RALA: variants seen among roughly 807,000 people sequenced by gnomAD.
The protein encoded by RALA is RAS like proto-oncogene A, also known as ras-related protein Ral-A.
A neutral mutation model predicts 24.0 loss-of-function variants in RALA; 5 were observed. The ratio of observed to expected loss-of-function variants is 0.21; its 90% confidence interval spans 0.11 to 0.44. The LOEUF (loss-of-function observed/expected upper bound fraction) is 0.44. RALA is among the 20% of genes least tolerant of loss of function. RALA has a pLI of 0.99. For missense variants in RALA, 95 were observed against 241.2 expected (o/e 0.39, Z 4.01); for synonymous variants, 77 against 83.8 (o/e 0.92, Z 0.44).
At chr7:39,654,966 CT>C (rs1277027602) in intron 1 of RALA, among the ~76,000 whole-genome samples, 1 of 152,158 alleles carries the variant, frequency 6.6e-6, no homozygotes, top group Non-Finnish European at 1.5e-5. Context: ...CCAGGCTGGT[CT>C]TGAACTCCTG....
At chr7:39,648,045 A>G (rs898812258) in intron 1 of RALA, among the ~76,000 whole-genome samples, 3 of 152,130 alleles carry the variant, frequency 2.0e-5, no homozygotes, top group South Asian at 2.1e-4. Context: ...ATGGTATAAC[A>G]TTTTTCTCAG....
At chr7:39,666,393 T>G (rs1792287799) in intron 1 of RALA, among the ~76,000 whole-genome samples, 1 of 152,204 alleles carries the variant, frequency 6.6e-6, no homozygotes, top group African/African-American at 2.4e-5. Flanking sequence ...ATGGTAGGAT[T>G]AGGCGTATTC....
At chr7:39,656,582 A>C (rs1583721027) in intron 1 of RALA, among the ~76,000 whole-genome samples, 1 of 152,206 alleles carries the variant, frequency 6.6e-6, no homozygotes, top group African/African-American at 2.4e-5. Context: ...TTCATACAGC[A>C]CCTGTTACTG....
At chr7:39,656,884 C>T (rs966312396) in intron 1 of RALA, among the ~76,000 whole-genome samples, 1 of 152,160 alleles carries the variant, frequency 6.6e-6, no homozygotes, top group Non-Finnish European at 1.5e-5. Flanking sequence ...ATCTGACTAC[C>T]CTGGCATGGA....
intron 1 of RALA, among the ~76,000 whole-genome samples, chr7:39,642,367 A>C (rs546270027): frequency 2.0e-5 from 3 of 152,324 alleles, no homozygotes; most frequent in Admixed American, 6.5e-5. Context: ...ATTTGTTTGC[A>C]GATTCCTCTG....
In RALA at chr7:39,705,511, G is replaced by A. The variant is rs187103774; in HGVS notation, c.499-612G>A. 3.9e-5 allele frequency among the ~76,000 whole-genome samples: 6 copies of A among 152,058 alleles called. No individual in the cohort carries two copies. The East Asian group carries it at 9.6e-4, about 24-fold the overall frequency. ...AATTTAACTTTGAATTGTTATACTC[G>A]TAATTTTCTTAGTTACTATGCTAAT... On this transcript the variant is annotated intron_variant, in intron 4 of 4. Transcript: ENST00000005257.
chr7:39,701,126 C>G (rs1583761712), intron 4 of RALA: 1 of 152,360 alleles, frequency 6.6e-6, no homozygotes, highest in Middle Eastern at 3.4e-3. Context: ...GTAACTGGCT[C>G]AAGGTCACGG....
At chr7:39,648,127 A>T (rs1382447394) in intron 1 of RALA, among the ~76,000 whole-genome samples, 1 of 152,176 alleles carries the variant, frequency 6.6e-6, no homozygotes, top group Non-Finnish European at 1.5e-5. Context: ...CTAAAGTCAT[A>T]TACAAAATTT....
intron 1 of RALA, among the ~76,000 whole-genome samples, chr7:39,659,366 G>A (rs1302296362): frequency 2.6e-5 from 4 of 151,816 alleles, no homozygotes; most frequent in African/African-American, 9.7e-5. Context: ...GCTACAAGAT[G>A]TTTTATGATT....
chr7:39,656,629 A>G (rs1442210005), intron 1 of RALA, among the ~76,000 whole-genome samples: 1 of 152,230 alleles, frequency 6.6e-6, no homozygotes, highest in Non-Finnish European at 1.5e-5. Context: ...CTGGCATAAC[A>G]TGAAACTGTT....
intron 1 of RALA, among the ~76,000 whole-genome samples, chr7:39,665,231 T>C (rs1792262562): frequency 6.6e-6 from 1 of 152,098 alleles, no homozygotes; most frequent in South Asian, 2.1e-4. Flanking sequence ...TTCAGCCTAC[T>C]CAACATGAAA....
rs150172905 is a variant in RALA, at chr7:39,666,006, T to C, written c.-37-20625T>C. Among the ~76,000 whole-genome samples, 4 of 152,326 alleles carry C rather than the reference T, an allele frequency of 2.6e-5. No homozygotes were observed. The East Asian group carries it at 7.7e-4, about 29-fold the overall frequency. On this transcript the variant is annotated intron_variant, in intron 1 of 4. Coordinates refer to ENST00000005257, the MANE Select transcript of RALA (RefSeq NM_005402.4). ...ATAATTAAGTACGCAGTTGAAAAAG[T>C]GTCTGACACAGAATAAGCACTCAAT...
chr7:39,670,173 T>C (rs1230905201), intron 1 of RALA, among the ~76,000 whole-genome samples: 1 of 152,192 alleles, frequency 6.6e-6, no homozygotes, highest in Non-Finnish European at 1.5e-5. Context: ...AGAGACAGGG[T>C]CTTGCTGTAT....
intron 4 of RALA, chr7:39,697,645 T>C: frequency 6.9e-6 from 2 of 290,958 alleles, no homozygotes; most frequent in South Asian, 6.7e-5. Context: ...CATTCTTGGG[T>C]CTTACCCCTA....
At chr7:39,624,795 C>T (rs1470721823) in intron 1 of RALA, among the ~76,000 whole-genome samples, 1 of 152,150 alleles carries the variant, frequency 6.6e-6, no homozygotes, top group Non-Finnish European at 1.5e-5. Context: ...AAACATGTAT[C>T]ATAAGTTAAT....
chr7:39,701,978 C>T (rs1254404618), intron 4 of RALA, among the ~76,000 whole-genome samples: 1 of 152,176 alleles, frequency 6.6e-6, no homozygotes, highest in African/African-American at 2.4e-5. Flanking sequence ...TTTTAAGGAA[C>T]ATTTTGGCAG....
intron 1 of RALA, among the ~76,000 whole-genome samples, chr7:39,626,832 A>G (rs1041710192): frequency 6.6e-6 from 1 of 152,156 alleles, no homozygotes; most frequent in African/African-American, 2.4e-5. Flanking sequence ...GGGAGAAGCT[A>G]TGGGGGACAG....
intron 1 of RALA, among the ~76,000 whole-genome samples, chr7:39,626,688 A>C (rs1024689888): frequency 3.3e-5 from 5 of 152,180 alleles, no homozygotes; most frequent in Non-Finnish European, 7.3e-5. Context: ...TTTGGACTCA[A>C]TTCTGGTGTT....
chr7:39,705,246 G>A (rs1020579367), intron 4 of RALA, among the ~76,000 whole-genome samples: 1 of 152,126 alleles, frequency 6.6e-6, no homozygotes, highest in Non-Finnish European at 1.5e-5. Flanking sequence ...GGCCACATCA[G>A]TCATGACATA....
Sources: gnomAD v4.1 joint callset for allele counts (sites outside exome capture counted in the v4.1 genomes callset) on GRCh38, gnomAD v4.1.1 for gene constraint, MANE v1.5 for transcripts, NCBI Gene and HGNC (gene_info 2026-07-23, HGNC 2026-07-21) for gene names.